DYSF: variants seen among roughly 807,000 people sequenced by gnomAD.
DYSF encodes dysferlin.
Under a neutral mutation model 274.9 loss-of-function variants are expected in DYSF, and 212 were observed. The ratio of observed to expected loss-of-function variants is 0.77; its 90% CI spans 0.69 to 0.86. DYSF has a LOEUF of 0.86. DYSF is among the 40% of genes least tolerant of loss of function. DYSF has a pLI of 0.00. For synonymous variants in DYSF, 1,091 were observed against 1,078.7 expected, an observed-to-expected ratio of 1.01 and a Z score of -0.22; for missense variants, 2,666 against 2,783.2, an observed-to-expected ratio of 0.96 and a Z score of 0.95.
intron 30 of DYSF, among the ~76,000 whole-genome samples, chr2:71,586,776 G>A (rs754220643): frequency 4.6e-5 from 7 of 152,190 alleles, no homozygotes; most frequent in East Asian, 1.9e-4. Flanking sequence ...CCCTGCAGGC[G>A]CTGGGAGGGA....
At chr2:71,676,324 TA>T (rs35166295) in intron 52 of DYSF, among the ~76,000 whole-genome samples, 22,603 of 151,640 alleles carry the variant, frequency 0.15, 2,162 homozygotes, top group South Asian at 0.21. Flanking sequence ...CACTGTACAT[TA>T]AAAAAAAATT....
chr2:71,573,447 C>G lies in DYSF; in HGVS notation c.3229-751C>G, dbSNP rs536811543. Among the ~76,000 whole-genome samples the G allele has an allele frequency of 3.9e-5, 6 of 152,284 alleles. No individual in the cohort carries two copies. In the East Asian group the frequency reaches 7.7e-4, roughly 20 times the overall value. The stretch of plus-strand genomic sequence containing the variant: ...TGTCTGACAACAGTGCCAGGTCACC[C>G]TCTCCCAGGAGCTGAATGGCAAGGG... On this transcript the variant is annotated intron_variant, in intron 29 of 55. Transcript: ENST00000410020.
At chr2:71,568,564 A>AAT (rs2092248856) in intron 26 of DYSF, among the ~76,000 whole-genome samples, 3 of 146,198 alleles carry the variant, frequency 2.1e-5, no homozygotes, top group Non-Finnish European at 3.0e-5. Flanking sequence ...CATTAAAAAA[A>AAT]TTTTTTTTTT....
chr2:71,682,665 C>T lies in DYSF; in HGVS notation c.6309C>T (p.Ile2103=), dbSNP rs758160528. The change falls in exon 55 of 56, where the codon ATC becomes ATT. Residue 2103 remains isoleucine, a synonymous_variant. Coordinates refer to ENST00000410020, the MANE Select transcript of DYSF (RefSeq NM_001130987.2). ...FILLLFLAIF[I]YAFPNYAAMK... is the part of the protein sequence containing the mutation. Reference sequence around the variant, plus strand: ...TGCTGCTGTTCCTGGCCATCTTCATCTACGCCTTCCCGGTGAGCAGGCCTG... The same window carrying T: ...TGCTGCTGTTCCTGGCCATCTTCATTTACGCCTTCCCGGTGAGCAGGCCTG... 2 of 1,613,956 alleles carry T rather than the reference C, an allele frequency of 1.2e-6. No individual in the cohort carries two copies. The highest frequency in any genetic ancestry group is 3.3e-5 in the Admixed American group (2 of 59,996).
At chr2:71,627,217 A>G (rs1455771771) in intron 41 of DYSF, among the ~76,000 whole-genome samples, 2 of 151,268 alleles carry the variant, frequency 1.3e-5, no homozygotes, top group Non-Finnish European at 3.0e-5. Flanking sequence ...CTCTATGTAA[A>G]CATTTAAGGC....
chr2:71,681,146 G>T (rs200927392), intron 54 of DYSF, 36 bp downstream of exon 54: 10 of 1,586,346 alleles, frequency 6.3e-6, no homozygotes, highest in East Asian at 2.2e-5. Flanking sequence ...ATGCCCACAG[G>T]TCTGGGGGTA....
chr2:71,565,696 G>A (rs1179877218), intron 24 of DYSF, among the ~76,000 whole-genome samples: 1 of 152,208 alleles, frequency 6.6e-6, no homozygotes, highest in Non-Finnish European at 1.5e-5. Context: ...GGATGCCAGG[G>A]CTGGTTGGAG....
At chr2:71,679,330 C>G in intron 53 of DYSF, 95 bp downstream of exon 53, 1 of 1,260,370 alleles carries the variant, frequency 7.9e-7, no homozygotes, top group Non-Finnish European at 1.1e-6. Flanking sequence ...TACATGCTTA[C>G]TGTTCCTCCT....
intron 36 of DYSF, among the ~76,000 whole-genome samples, chr2:71,604,327 T>C (rs1453551213): frequency 6.6e-6 from 1 of 152,204 alleles, no homozygotes; most frequent in Non-Finnish European, 1.5e-5. Flanking sequence ...GTGGTCCTTC[T>C]GTTGCCACTG....
intron 32 of DYSF, among the ~76,000 whole-genome samples, chr2:71,597,834 C>T (rs2093442892): frequency 6.6e-6 from 1 of 152,190 alleles, no homozygotes; most frequent in Admixed American, 6.5e-5. Flanking sequence ...ACCCCACACC[C>T]ATCTAAGCCA....
chr2:71,596,387 C>G (rs757198355), intron 32 of DYSF, among the ~76,000 whole-genome samples: 1 of 152,124 alleles, frequency 6.6e-6, no homozygotes, highest in East Asian at 1.9e-4. Context: ...AAAAATAAAG[C>G]GTAGGGAAGC....
At chr2:71,531,270 A>G (rs1464446763) in intron 14 of DYSF, among the ~76,000 whole-genome samples, 1 of 152,062 alleles carries the variant, frequency 6.6e-6, no homozygotes, top group South Asian at 2.1e-4. Context: ...TGCTGGGAAA[A>G]AATCATGAAA....
In DYSF at chr2:71,561,895, T is replaced by C; in HGVS notation, c.2360T>C (p.Leu787Pro). The C allele has an allele frequency of 6.2e-7, 1 of 1,614,132 alleles. No homozygotes were observed. The highest frequency in any genetic ancestry group is 8.5e-7 in the Non-Finnish European group (1 of 1,180,006). The change falls in exon 23 of 56, where the codon CTG becomes CCG. Residue 787 changes from leucine (L) to proline (P), a missense_variant. This residue lies in a region of DYSF where 412 missense variants were observed against 504.0 expected (regional missense o/e 0.82). Transcript: ENST00000410020. ...GGCCACAGTGAGCTCCCTGCAGCTC[T>C]GGAGCAGGCGGAGGACTGGCTCCTG... ...KLGHSELPAA[L>P]EQAEDWLLRL...
chr2:71,498,707 T>A (rs1382382325), intron 3 of DYSF, among the ~76,000 whole-genome samples: 1 of 152,208 alleles, frequency 6.6e-6, no homozygotes, highest in East Asian at 1.9e-4. Flanking sequence ...TGTTTCAAAG[T>A]TAAACTATAA....
chr2:71,587,517 G>A (rs1359998113), intron 30 of DYSF, among the ~76,000 whole-genome samples: 1 of 152,202 alleles, frequency 6.6e-6, no homozygotes, highest in Non-Finnish European at 1.5e-5. Flanking sequence ...CAAGCCCTGT[G>A]CCTTCCCTCG....
At chr2:71,682,760 G>A in intron 55 of DYSF, 83 bp downstream of exon 55, 1 of 1,532,538 alleles carries the variant, frequency 6.5e-7, no homozygotes. Context: ...AGCTCTCCCA[G>A]TCTAATGGAG....
intron 3 of DYSF, among the ~76,000 whole-genome samples, chr2:71,486,944 C>T (rs1014782598): frequency 3.3e-5 from 5 of 152,184 alleles, no homozygotes; most frequent in African/African-American, 2.4e-5. Context: ...GGATGTTCAG[C>T]CCAGAAGTTC....
At chr2:71,678,110 A>G (rs2095249446) in intron 52 of DYSF, among the ~76,000 whole-genome samples, 1 of 152,228 alleles carries the variant, frequency 6.6e-6, no homozygotes, top group Non-Finnish European at 1.5e-5. Context: ...AAATCTAAAT[A>G]CAAAATTTTT....
intron 24 of DYSF, among the ~76,000 whole-genome samples, chr2:71,567,498 C>T (rs1202475500): frequency 6.6e-6 from 1 of 152,250 alleles, no homozygotes; most frequent in Non-Finnish European, 1.5e-5. Flanking sequence ...CGCAGTCATA[C>T]TGGCCACATT....
Sources: allele counts gnomAD v4.1 joint callset (sites outside exome capture counted in the v4.1 genomes callset), GRCh38; gene constraint gnomAD v4.1.1; regional missense constraint gnomAD v4.1.1; transcripts MANE v1.5; gene names NCBI Gene and HGNC (gene_info 2026-07-23, HGNC 2026-07-21).